Variants in NEK6 observed in about 807,000 individuals in gnomAD.
The protein encoded by NEK6 is serine/threonine-protein kinase Nek6.
Under a neutral mutation model 43.5 loss-of-function variants are expected in NEK6, and 27 were observed. The ratio of observed to expected loss-of-function variants is 0.62; its 90% confidence interval spans 0.46 to 0.86. The LOEUF (loss-of-function observed/expected upper bound fraction) is 0.86, where lower values mean the gene tolerates loss of function less well. Ranked by LOEUF, NEK6 falls within the 40% of genes least tolerant of loss-of-function variation. The pLI is 0.00. For synonymous variants in NEK6, 167 were observed against 164.1 expected (o/e 1.02, Z -0.14); for missense variants, 318 against 414.4 (o/e 0.77, Z 2.02).
At chr9:124,292,884 G>A in intron 1 of NEK6, 2 of 1,476,104 alleles carry the variant, frequency 1.4e-6, no homozygotes, top group Non-Finnish European at 1.8e-6. Flanking sequence ...CAGCACGGGG[G>A]AGCAGGCTGT....
intron 8 of NEK6, among the ~76,000 whole-genome samples, chr9:124,345,958 G>A (rs1315507018): frequency 1.3e-5 from 2 of 152,178 alleles, no homozygotes; most frequent in Non-Finnish European, 2.9e-5. Flanking sequence ...CCCCAAAATG[G>A]GCAGGGCCTC....
At chr9:124,298,726 GT>G (rs1262725207) in intron 1 of NEK6, among the ~76,000 whole-genome samples, 1 of 152,180 alleles carries the variant, frequency 6.6e-6, no homozygotes, top group Non-Finnish European at 1.5e-5. Flanking sequence ...CCTTTTGTCT[GT>G]GATCCTTGGG....
In NEK6 at chr9:124,343,339, G is replaced by A. The variant is rs940143069; in HGVS notation, c.717+3674G>A. 2.0e-5 allele frequency among the ~76,000 whole-genome samples: 3 copies of A among 151,936 alleles called. No individual in the cohort carries two copies. Among genetic ancestry groups the A allele is most frequent in the African/African-American group, 7.3e-5 (3 of 41,364 alleles). On this transcript the variant is annotated intron_variant, in intron 8 of 9. Coordinates refer to ENST00000320246, the MANE Select transcript of NEK6 (RefSeq NM_014397.6). The surrounding 1 kb of genome is among the most constrained non-coding windows in gnomAD (Gnocchi z 5.1). ...GTGTGGGGGGACAGATCACAGCCAG[G>A]GGTGGATACCAGTCAGCAGTAGGAA...
intron 1 of NEK6, among the ~76,000 whole-genome samples, chr9:124,283,838 A>G (rs539681356): frequency 6.6e-6 from 1 of 152,250 alleles, no homozygotes; most frequent in Non-Finnish European, 1.5e-5. Context: ...CTGCACGCAC[A>G]TTTTCTTGTG....
intron 2 of NEK6, among the ~76,000 whole-genome samples, chr9:124,302,938 A>G (rs1387269696): frequency 6.6e-6 from 1 of 152,246 alleles, no homozygotes; most frequent in Non-Finnish European, 1.5e-5. Context: ...GGAACTGTGC[A>G]TGTGTGTGCT....
intron 2 of NEK6, among the ~76,000 whole-genome samples, chr9:124,309,135 T>C (rs1013013035): frequency 6.6e-5 from 10 of 152,160 alleles, no homozygotes; most frequent in Non-Finnish European, 1.3e-4. Context: ...GACAGCGTCC[T>C]GTGGCAGCCC....
rs61223297 is a variant in NEK6, at chr9:124,326,202, T to TCCCCCCCCCCCCCCCCC, written c.406-117_406-116insCCCCCCCCCCCCCCCCC. ...GCTTATTGTTTGCTCAGTGGCTCAA[T>TCCCCCCCCCCCCCCCCC]CCCCCCCCCCCGCCCCTGCCAGGCA... On this transcript the variant is annotated intron_variant, in intron 5 of 9. Transcript: ENST00000320246. This position sits in a 1 kb window ranked among gnomAD's most constrained non-coding sequence, Gnocchi z 4.5. 4.2e-4 allele frequency: 53 copies of TCCCCCCCCCCCCCCCCC among 125,218 alleles called. 9 individuals are homozygous for TCCCCCCCCCCCCCCCCC. The highest frequency in any genetic ancestry group is 1.2e-3 in the South Asian group (19 of 15,394). 7.8% of individuals were successfully genotyped at this position (125,218 alleles called of 1,614,324 possible). A position where few individuals can be genotyped will look rare whatever the true frequency, so the allele number is the denominator to read the frequency against.
intron 4 of NEK6, among the ~76,000 whole-genome samples, chr9:124,320,883 G>C (rs1834031103): frequency 6.6e-6 from 1 of 152,178 alleles, no homozygotes; most frequent in African/African-American, 2.4e-5. Context: ...CTTGAACCTA[G>C]AAGTTCAGTT....
intron 1 of NEK6, among the ~76,000 whole-genome samples, chr9:124,278,842 G>A (rs1397830634): frequency 3.9e-5 from 6 of 152,146 alleles, no homozygotes; most frequent in African/African-American, 7.2e-5. Flanking sequence ...GAGAATTCCC[G>A]TCACCTAGAG....
At chr9:124,261,629 T>C (rs548760640) in intron 1 of NEK6, 3 of 966,824 alleles carry the variant, frequency 3.1e-6, no homozygotes, top group Non-Finnish European at 3.7e-6. Context: ...CCTGCCTTTT[T>C]TCCCTGCTCA....
In NEK6 at chr9:124,339,623, C is replaced by CT; in HGVS notation, c.677dup (p.Lys227GlnfsTer25). On this transcript the variant is annotated frameshift_variant, in exon 8 of 10. Coordinates refer to ENST00000320246, the MANE Select transcript of NEK6 (RefSeq NM_014397.6). LOFTEE classifies it high-confidence loss of function. Reference sequence around the variant, plus strand: ...AGAGGATCCATGAGAACGGCTACAACTTCAAGTCCGACATCTGGTCCCTGG... The same window carrying CT: ...AGAGGATCCATGAGAACGGCTACAACTTTCAAGTCCGACATCTGGTCCCTGG... 2.5e-6 allele frequency: 4 copies of CT among 1,614,112 alleles called. No homozygotes were observed. The highest frequency in any genetic ancestry group is 3.4e-6 in the Non-Finnish European group (4 of 1,179,950).
chr9:124,268,019 T>C (rs1296692850), intron 1 of NEK6, among the ~76,000 whole-genome samples: 1 of 152,214 alleles, frequency 6.6e-6, no homozygotes, highest in Non-Finnish European at 1.5e-5. Flanking sequence ...TGGAAGATGC[T>C]GTCTGCTGTG....
chr9:124,345,841 C>T (rs1464481788), intron 8 of NEK6, among the ~76,000 whole-genome samples: 1 of 152,222 alleles, frequency 6.6e-6, no homozygotes, highest in East Asian at 1.9e-4. Flanking sequence ...TTTGAAAATG[C>T]CCGATTAACC....
Position 124,326,202 on chromosome 9 carries a change from T to TCCCCC in NEK6, c.406-121_406-117dup. The TCCCCC allele has an allele frequency of 8.1e-6, 1 of 124,052 alleles. No individual in the cohort carries two copies. Among genetic ancestry groups the TCCCCC allele is most frequent in the South Asian group, 6.5e-5 (1 of 15,360 alleles). The allele number at this position is 124,052 out of a possible 1,614,324, so 7.7% of individuals were successfully genotyped here. ...GCTTATTGTTTGCTCAGTGGCTCAA[T>TCCCCC]CCCCCCCCCCCGCCCCTGCCAGGCA... On this transcript the variant is annotated intron_variant, in intron 5 of 9. Coordinates refer to ENST00000320246, the MANE Select transcript of NEK6 (RefSeq NM_014397.6). The surrounding 1 kb of genome is among the most constrained non-coding windows in gnomAD (Gnocchi z 4.5).
At chr9:124,319,303 TG>T (rs1166804045) in intron 4 of NEK6, among the ~76,000 whole-genome samples, 4 of 150,028 alleles carry the variant, frequency 2.7e-5, no homozygotes, top group Non-Finnish European at 5.9e-5. Context: ...CACTTTTTAA[TG>T]TTTTGTTTTT....
At chr9:124,339,687 A>AGCAGCATTTGGTGG in intron 8 of NEK6, 22 bp downstream of exon 8, 1 of 1,576,462 alleles carries the variant, frequency 6.3e-7, no homozygotes, top group Non-Finnish European at 8.7e-7. Context: ...TCCGTGGCTC[A>AGCAGCATTTGGTGG]GCAGCATTTG....
chr9:124,332,554 C>T (rs139083705), intron 7 of NEK6, among the ~76,000 whole-genome samples: 131 of 152,330 alleles, frequency 8.6e-4, no homozygotes, highest in African/African-American at 3.1e-3. Flanking sequence ...AATGTCCCGC[C>T]GGCTGGACGG....
At chr9:124,273,576 A>C (rs1831533652) in intron 1 of NEK6, among the ~76,000 whole-genome samples, 1 of 152,196 alleles carries the variant, frequency 6.6e-6, no homozygotes, top group Non-Finnish European at 1.5e-5. Context: ...GGAACAGGCA[A>C]GCCTTTTATA....
In NEK6 at chr9:124,343,207, G is replaced by C. The variant is rs1004236905; in HGVS notation, c.717+3542G>C. ...GAGTGGGGCTGTGCGGCTCGCAGCTGGGGGGGCTGGACCACAGCCGGGGGG... is the reference window on the plus strand; with the variant it reads ...GAGTGGGGCTGTGCGGCTCGCAGCTCGGGGGGCTGGACCACAGCCGGGGGG... On this transcript the variant is annotated intron_variant, in intron 8 of 9. Coordinates refer to ENST00000320246, the MANE Select transcript of NEK6 (RefSeq NM_014397.6). This position sits in a 1 kb window ranked among gnomAD's most constrained non-coding sequence, Gnocchi z 5.1. Among the ~76,000 whole-genome samples the C allele has an allele frequency of 6.6e-6, 1 of 151,552 alleles. No individual in the cohort carries two copies. The highest frequency in any genetic ancestry group is 6.6e-5 in the Admixed American group (1 of 15,234).
Sources: gnomAD v4.1 joint callset for allele counts (sites outside exome capture counted in the v4.1 genomes callset) on GRCh38, gnomAD v4.1.1 for gene constraint, Gnocchi (gnomAD v3.1) non-coding constraint, MANE v1.5 for transcripts, NCBI Gene and HGNC (gene_info 2026-07-23, HGNC 2026-07-21) for gene names.